The following TM9SF2 variants were observed in gnomAD, a reference collection of about 807,000 sequenced individuals.
The protein encoded by TM9SF2 is 76 kDa membrane protein.
Under a neutral mutation model 84.9 loss-of-function variants are expected in TM9SF2, and 13 were observed. The ratio of observed to expected loss-of-function variants is 0.15; its 90% CI spans 0.10 to 0.24. The LOEUF is 0.24. Among genes scored for constraint, TM9SF2 ranks in the 10% least tolerant of loss-of-function variants. The pLI is 1.00. For missense variants in TM9SF2, 562 were observed against 818.5 expected (o/e 0.69, Z 3.82); for synonymous variants, 273 against 285.8 (o/e 0.96, Z 0.45).
intron 1 of TM9SF2, among the ~76,000 whole-genome samples, chr13:99,510,927 G>A (rs976394725): frequency 2.0e-5 from 3 of 152,084 alleles, no homozygotes; most frequent in Admixed American, 6.5e-5. Flanking sequence ...TGAGTTTCTC[G>A]TGGTCTTCAG....
intron 1 of TM9SF2, among the ~76,000 whole-genome samples, chr13:99,508,732 T>C (rs2046100567): frequency 6.6e-6 from 1 of 152,064 alleles, no homozygotes; most frequent in African/African-American, 2.4e-5. Flanking sequence ...GAGTTTTCTG[T>C]TGAGCGAGAT....
intron 9 of TM9SF2, 82 bp downstream of exon 9, chr13:99,541,749 G>T (rs2046260523): frequency 1.1e-6 from 1 of 879,210 alleles, no homozygotes; most frequent in Admixed American, 2.9e-5. Flanking sequence ...AATAGCTTTA[G>T]AATCTGCTTT....
At chr13:99,519,193 C>T (rs6491510) in intron 2 of TM9SF2, among the ~76,000 whole-genome samples, 131,261 of 152,084 alleles carry the variant, frequency 0.86, 56,993 homozygotes, top group East Asian at 0.92. Context: ...AATTTTTTTC[C>T]AGTTTTTGTT....
intron 1 of TM9SF2, among the ~76,000 whole-genome samples, chr13:99,516,275 T>G (rs1480229126): frequency 1.3e-5 from 2 of 152,204 alleles, no homozygotes; most frequent in African/African-American, 4.8e-5. Context: ...CCGTCTCGTC[T>G]TGCTTTGGGG....
intron 10 of TM9SF2, among the ~76,000 whole-genome samples, chr13:99,545,123 T>C (rs1413534472): frequency 6.6e-6 from 1 of 152,204 alleles, no homozygotes. Flanking sequence ...TTAATAATTT[T>C]TTAGTAAACA....
At chr13:99,526,048 G>A (rs182803214) in intron 3 of TM9SF2, among the ~76,000 whole-genome samples, 43 of 152,352 alleles carry the variant, frequency 2.8e-4, no homozygotes, top group African/African-American at 9.9e-4. Context: ...TAACTGGAGG[G>A]AAGGCAGAGA....
chr13:99,550,690 C>T (rs1158034124), intron 12 of TM9SF2, among the ~76,000 whole-genome samples: 3 of 152,086 alleles, frequency 2.0e-5, no homozygotes, highest in African/African-American at 7.2e-5. Context: ...TCATACAATT[C>T]TACATAAATA....
At chr13:99,551,869 G>A (rs1283892859) in intron 12 of TM9SF2, among the ~76,000 whole-genome samples, 1 of 152,192 alleles carries the variant, frequency 6.6e-6, no homozygotes, top group Non-Finnish European at 1.5e-5. Flanking sequence ...GACGCCTGCT[G>A]CAGTTTTCAA....
intron 14 of TM9SF2, among the ~76,000 whole-genome samples, chr13:99,554,697 A>G (rs563358522): frequency 6.6e-5 from 10 of 152,322 alleles, no homozygotes; most frequent in African/African-American, 1.7e-4. Context: ...AATTCTTACT[A>G]CTTCATTCTC....
rs1309215592 is a variant in TM9SF2, at chr13:99,543,804, G to GA, written c.1018-59_1018-58insA. 2.3e-5 allele frequency: 36 copies of GA among 1,589,708 alleles called. No homozygotes were observed. In the East Asian group the frequency reaches 4.9e-4, roughly 22 times the overall value. On this transcript the variant is annotated intron_variant, in intron 9 of 16. Transcript: ENST00000376387. ...CAGCATATTCAACAGTGAACAAACT[G>GA]TCTATAGTTGTCTTGTTGATACCAT...
At chr13:99,513,140 G>GGA (rs2046120424) in intron 1 of TM9SF2, among the ~76,000 whole-genome samples, 1 of 152,178 alleles carries the variant, frequency 6.6e-6, no homozygotes, top group Admixed American at 6.5e-5. Flanking sequence ...ATAAAGAACT[G>GGA]TCCATGAAGA....
At chr13:99,545,599 G>T (rs1041167685) in intron 10 of TM9SF2, among the ~76,000 whole-genome samples, 2 of 151,286 alleles carry the variant, frequency 1.3e-5, no homozygotes, top group African/African-American at 4.9e-5. Context: ...ACGGAGCCTC[G>T]CTCTGTCACC....
At chr13:99,546,779 A>T (rs1196146408) in intron 10 of TM9SF2, among the ~76,000 whole-genome samples, 1 of 152,180 alleles carries the variant, frequency 6.6e-6, no homozygotes. Context: ...GAAACTTCCA[A>T]AGTGAAGTTT....
In TM9SF2 at chr13:99,539,466, A is replaced by G. The variant is rs753952303; in HGVS notation, c.737A>G (p.Asp246Gly). Reference sequence around the variant, plus strand: ...CACAGCTTCAAACATACCCATATAGATAAACCAGACTGCTCAGGGCCCCCC... The same window carrying G: ...CACAGCTTCAAACATACCCATATAGGTAAACCAGACTGCTCAGGGCCCCCC... ...EPKSFKHTHI[D>G]KPDCSGPPMD... Residue 246 changes from aspartate to glycine, a missense_variant, in exon 7 of 17, where the codon GAT (aspartate) becomes GGT (glycine). By Grantham distance (94) the Asp-to-Gly change is moderately conservative. Coordinates refer to ENST00000376387, the MANE Select transcript of TM9SF2 (RefSeq NM_004800.3). 12 of 1,613,266 alleles carry G rather than the reference A, an allele frequency of 7.4e-6. No homozygotes were observed. In the East Asian group the frequency reaches 2.5e-4, roughly 33 times the overall value.
chr13:99,536,047 A>T (rs982749903), intron 4 of TM9SF2, among the ~76,000 whole-genome samples: 3 of 151,966 alleles, frequency 2.0e-5, no homozygotes, highest in Non-Finnish European at 4.4e-5. Context: ...TATATCTTGC[A>T]ATTGTATTCC....
intron 10 of TM9SF2, 47 bp downstream of exon 10, chr13:99,544,042 C>G: frequency 6.2e-7 from 1 of 1,600,708 alleles, no homozygotes; most frequent in South Asian, 1.1e-5. Flanking sequence ...TTTCTAAATA[C>G]AGTAATTGCT....
At chr13:99,509,428 G>A (rs2046103727) in intron 1 of TM9SF2, among the ~76,000 whole-genome samples, 1 of 152,206 alleles carries the variant, frequency 6.6e-6, no homozygotes, top group South Asian at 2.1e-4. Flanking sequence ...TTCTACCTGG[G>A]CACCCAGGTT....
intron 10 of TM9SF2, among the ~76,000 whole-genome samples, chr13:99,544,239 T>C (rs2046273161): frequency 6.6e-6 from 1 of 151,872 alleles, no homozygotes; most frequent in East Asian, 1.9e-4. Flanking sequence ...TCCCAGCTAC[T>C]TGTGGGGCTG....
chr13:99,537,554 C>T (rs1008166022), intron 5 of TM9SF2, among the ~76,000 whole-genome samples, 185 bp from the exon 6 acceptor site: 1 of 151,930 alleles, frequency 6.6e-6, no homozygotes, highest in African/African-American at 2.4e-5. Context: ...GAAGCATATA[C>T]CTTCCCCAAT....
Sources: gnomAD v4.1 joint callset for allele counts (sites outside exome capture counted in the v4.1 genomes callset) on GRCh38, gnomAD v4.1.1 for gene constraint, MANE v1.5 for transcripts, NCBI Gene and HGNC (gene_info 2026-07-23, HGNC 2026-07-21) for gene names.